TRIM61: variants seen among roughly 807,000 people sequenced by gnomAD.
TRIM61 encodes putative tripartite motif-containing protein 61.
Under a neutral mutation model 14.2 loss-of-function variants are expected in TRIM61, and 1 was observed. The observed-to-expected ratio is 0.07, with a 90% CI of 0.03 to 0.33. The LOEUF is 0.33. Among genes scored for constraint, TRIM61 ranks in the 10% least tolerant of loss-of-function variants. The probability of loss-of-function intolerance (pLI) is 0.99; values close to 1 mark genes in which losing one functional copy is unlikely to be tolerated. For missense variants in TRIM61, 19 were observed against 202.2 expected, an observed-to-expected ratio of 0.09 and a Z score of 5.49; for synonymous variants, 8 against 71.6, an observed-to-expected ratio of 0.11 and a Z score of 4.49.
chr4:164,969,023 G>A, intron 3 of TRIM61: 1 of 1,046,290 alleles, frequency 9.6e-7, no homozygotes, highest in Non-Finnish European at 1.2e-6. Flanking sequence ...TGGGTTATGA[G>A]GTACATTTTG....
At position 164,961,153 on chromosome 4, in the gene TRIM61, C is replaced by CAAAAAAAAAAAAAAAAAAA. The variant is rs762554625; in HGVS notation, c.526-6076_526-6058dup. ...ATGACAGAAAATAAGAACTCTCAGG[C>CAAAAAAAAAAAAAAAAAAA]AAAAAAAAAAAAAAAAAAAAAAAAA... On this transcript the variant is annotated intron_variant, in intron 3 of 4. Coordinates refer to ENST00000329314, the MANE Select transcript of TRIM61 (RefSeq NM_001012414.3). Among the ~76,000 whole-genome samples, 60 of 31,726 alleles carry CAAAAAAAAAAAAAAAAAAA rather than the reference C, an allele frequency of 1.9e-3. 17 individuals carry two copies. Among genetic ancestry groups the CAAAAAAAAAAAAAAAAAAA allele is most frequent in the Non-Finnish European group, 2.7e-3 (40 of 14,938 alleles). 20.8% of individuals were successfully genotyped at this position (31,726 alleles called of 152,430 possible).
chr4:164,962,461 T>C (rs1375462217), intron 3 of TRIM61, among the ~76,000 whole-genome samples: 1 of 151,868 alleles, frequency 6.6e-6, no homozygotes, highest in Admixed American at 6.6e-5. Flanking sequence ...GCCAGGATGG[T>C]CTCGATCTCC....
intron 3 of TRIM61, among the ~76,000 whole-genome samples, chr4:164,956,114 G>A (rs917143806): frequency 6.6e-6 from 1 of 152,206 alleles, no homozygotes; most frequent in Non-Finnish European, 1.5e-5. Context: ...CGTCCAGACT[G>A]AGGTGCAGTG....
chr4:164,956,948 G>A, intron 3 of TRIM61: 1 of 1,383,748 alleles, frequency 7.2e-7, no homozygotes, highest in Non-Finnish European at 9.6e-7. Context: ...CCGTCTCTGG[G>A]CTTCGACTTC....
At chr4:164,964,072 G>A (rs556856669) in intron 3 of TRIM61, among the ~76,000 whole-genome samples, 27 of 151,764 alleles carry the variant, frequency 1.8e-4, no homozygotes, top group Admixed American at 1.2e-3. Context: ...AAAAATGGCC[G>A]GGCGCGGTGG....
intron 3 of TRIM61, among the ~76,000 whole-genome samples, chr4:164,967,235 A>G (rs1475133933): frequency 6.6e-6 from 1 of 152,276 alleles, no homozygotes; most frequent in Non-Finnish European, 1.5e-5. Flanking sequence ...AGAGACAATT[A>G]CATAAAAATT....
At chr4:164,968,103 G>A (rs1457947520) in intron 3 of TRIM61, 178 bp downstream of exon 3, 1 of 923,152 alleles carries the variant, frequency 1.1e-6, no homozygotes, top group African/African-American at 1.8e-5. Context: ...AGTGAGCCGA[G>A]ATCCTGGCCA....
chr4:164,962,672 G>A (rs1206554966), intron 3 of TRIM61, among the ~76,000 whole-genome samples: 1 of 146,704 alleles, frequency 6.8e-6, no homozygotes, highest in Non-Finnish European at 1.5e-5. Flanking sequence ...TTGCCATCAA[G>A]TGGACACTAC....
intron 2 of TRIM61, among the ~76,000 whole-genome samples, chr4:164,971,997 C>CAGAA (rs1579149894): frequency 1.3e-5 from 2 of 152,178 alleles, no homozygotes; most frequent in Non-Finnish European, 2.9e-5. Flanking sequence ...TTTTACTATA[C>CAGAA]ATTCTCTTTA....
chr4:164,972,557 T>C (rs1732393401), intron 2 of TRIM61, among the ~76,000 whole-genome samples: 1 of 152,206 alleles, frequency 6.6e-6, no homozygotes, highest in Admixed American at 6.5e-5. Flanking sequence ...GGCACAATCT[T>C]GGCTCACTGC....
chr4:164,961,523 C>T (rs1208453539), intron 3 of TRIM61, among the ~76,000 whole-genome samples: 2 of 151,292 alleles, frequency 1.3e-5, no homozygotes, highest in African/African-American at 4.8e-5. Flanking sequence ...CAGAAGAAAT[C>T]TCATCACTAG....
chr4:164,962,692 T>A (rs200122109), intron 3 of TRIM61, among the ~76,000 whole-genome samples: 1 of 139,784 alleles, frequency 7.2e-6, no homozygotes. Flanking sequence ...CAAGAAATGT[T>A]AAAAAAAAAA....
At chr4:164,974,047 G>A (rs1579151057) in intron 2 of TRIM61, among the ~76,000 whole-genome samples, 1 of 152,358 alleles carries the variant, frequency 6.6e-6, no homozygotes, top group South Asian at 2.1e-4. Flanking sequence ...GCGCATGCCA[G>A]TAATTCCAGC....
chr4:164,957,423 C>G (rs574642064), intron 3 of TRIM61: 2 of 1,614,062 alleles, frequency 1.2e-6, no homozygotes, highest in East Asian at 4.5e-5. Context: ...AGGTCCCAGC[C>G]TCTTTTTGTG....
At chr4:164,969,009 T>A (rs1341856682) in intron 3 of TRIM61, 3 of 1,035,728 alleles carry the variant, frequency 2.9e-6, no homozygotes, top group Non-Finnish European at 3.5e-6. Flanking sequence ...AGATAAAATC[T>A]TCTTGGGTTA....
In TRIM61 at chr4:164,969,580, C is replaced by T; in HGVS notation, c.423G>A (p.Arg141=). ...GTGCATTGTATTCCTCCAGTTTTTT[C>T]CTATGATAGGAGGCAGCCTTCTTTA... Residue 141 remains arginine, a synonymous_variant, in exon 3 of 5, where the codon AGG becomes AGA. Transcript: ENST00000329314. 6.7e-7 allele frequency: 1 copy of T among 1,502,530 alleles called. No homozygotes were observed. Among genetic ancestry groups the T allele is most frequent in the South Asian group, 1.2e-5 (1 of 81,728 alleles). 93.1% of individuals were successfully genotyped at this position (1,502,530 alleles called of 1,614,324 possible). A position where few individuals can be genotyped will look rare whatever the true frequency, so the allele number is the denominator to read the frequency against.
At chr4:164,960,469 T>G (rs1339571613) in intron 3 of TRIM61, among the ~76,000 whole-genome samples, 1 of 151,570 alleles carries the variant, frequency 6.6e-6, no homozygotes, top group African/African-American at 2.4e-5. Flanking sequence ...GCAGGAGATT[T>G]GCTTGAACCC....
At chr4:164,967,149 C>A (rs1732260509) in intron 3 of TRIM61, among the ~76,000 whole-genome samples, 1 of 152,042 alleles carries the variant, frequency 6.6e-6, no homozygotes, top group South Asian at 2.1e-4. Context: ...AAATAATCAA[C>A]ATAAAAAATT....
intron 3 of TRIM61, among the ~76,000 whole-genome samples, chr4:164,959,508 G>A (rs1439127013): frequency 6.6e-6 from 1 of 151,998 alleles, no homozygotes; most frequent in African/African-American, 2.4e-5. Flanking sequence ...GTGAGATGTG[G>A]GAATGTGTGC....
Sources: allele counts gnomAD v4.1 joint callset (sites outside exome capture counted in the v4.1 genomes callset), GRCh38; gene constraint gnomAD v4.1.1; transcripts MANE v1.5; gene names NCBI Gene and HGNC (gene_info 2026-07-23, HGNC 2026-07-21).